The following CIC variants were observed in gnomAD, a reference collection of about 807,000 sequenced individuals.
CIC encodes protein capicua homolog.
A neutral mutation model predicts 115.7 loss-of-function variants in CIC; 18 were observed. The ratio of observed to expected loss-of-function variants is 0.16; its 90% CI spans 0.11 to 0.23. CIC has a LOEUF of 0.23. CIC is among the 10% of genes least tolerant of loss of function. The pLI is 1.00. For synonymous variants in CIC, 1,076 were observed against 923.0 expected (o/e 1.17, Z -3.01); for missense variants, 2,000 against 2,159.3 (o/e 0.93, Z 1.46).
chr19:42,277,926 C>T (rs1337108027), intron 2 of CIC, among the ~76,000 whole-genome samples: 7 of 152,260 alleles, frequency 4.6e-5, no homozygotes, highest in Non-Finnish European at 8.8e-5. Context: ...AGGTAGGCAG[C>T]TTGGAGCCTT....
chr19:42,290,010 C>T, intron 10 of CIC, 59 bp downstream of exon 10: 1 of 1,479,084 alleles, frequency 6.8e-7, no homozygotes, highest in East Asian at 2.3e-5. Context: ...ATGGGAATGT[C>T]TGTTTCTCCC....
rs563187613 is a variant in CIC at position 42,280,310 on chromosome 19, C to T, written c.2794+5733C>T. ...CACCTCGCGGCTGCAAGATGCTATC[C>T]CCCCTCTGAGCCTGTTTCTTGCGAA... On this transcript the variant is annotated intron_variant, in intron 2 of 20. Transcript: ENST00000681038. The surrounding 1 kb of genome is among the most constrained non-coding windows in gnomAD (Gnocchi z 4.9). 6.6e-6 allele frequency: 1 copy of T among 152,214 alleles called. No individual in the cohort carries two copies. Among genetic ancestry groups the T allele is most frequent in the Admixed American group, 6.5e-5 (1 of 15,280 alleles). The allele number at this position is 152,214 out of a possible 1,614,324, so 9.4% of individuals were successfully genotyped here.
Position 42,295,440 on chromosome 19 carries a change from C to T in CIC, c.*249C>T, listed in dbSNP as rs1009191227. On this transcript the variant is annotated 3_prime_UTR_variant, in exon 21 of 21. Transcript: ENST00000681038. ...CTGTACATAACCTGGAGCGTGTGAC[C>T]TTCAGAGCTTTTCACTTTATGCAAA... 3 of 490,342 alleles carry T rather than the reference C, an allele frequency of 6.1e-6. No homozygotes were observed. The highest frequency in any genetic ancestry group is 3.8e-5 in the Admixed American group (1 of 26,176). The allele number at this position is 490,342 out of a possible 1,614,324, so 30.4% of individuals were successfully genotyped here.
Position 42,292,357 on chromosome 19 carries a change from G to A in CIC, c.5793G>A (p.Ala1931=), listed in dbSNP as rs774714572. 1.4e-5 allele frequency: 22 copies of A among 1,612,842 alleles called. No individual in the cohort carries two copies. The highest frequency in any genetic ancestry group is 8.0e-5 in the African/African-American group (6 of 74,916). ...GHALPLGTSP[A]SSQAGTVTSY... ...CGCTGCCCCTGGGTACCAGCCCTGCGTCCAGCCAGGCTGGAACAGTCACCT... is the reference window on the plus strand; with the variant it reads ...CGCTGCCCCTGGGTACCAGCCCTGCATCCAGCCAGGCTGGAACAGTCACCT... The change falls in exon 14 of 21, where the codon GCG becomes GCA. Residue 1931 remains alanine (A), a synonymous_variant. Coordinates refer to ENST00000681038, the MANE Select transcript of CIC (RefSeq NM_001386298.1).
At chr19:42,269,799 G>T (rs1478824900) in intron 1 of CIC, among the ~76,000 whole-genome samples, 1 of 151,806 alleles carries the variant, frequency 6.6e-6, no homozygotes, top group Non-Finnish European at 1.5e-5. Context: ...TAACCGAGAG[G>T]TAGAGATAGA....
Position 42,273,695 on chromosome 19 carries a change from G to A in CIC, c.1912G>A (p.Gly638Ser), listed in dbSNP as rs752711063. The change falls in exon 2 of 21, where the codon GGC (glycine) becomes AGC (serine). Residue 638 changes from glycine to serine, a missense_variant. Physicochemically the swap from Gly to Ser is moderately conservative, Grantham distance 56. This residue lies in a region of CIC where 222 missense variants were observed against 247.7 expected (regional missense o/e 0.90). Coordinates refer to ENST00000681038, the MANE Select transcript of CIC (RefSeq NM_001386298.1). Reference sequence around the variant, plus strand: ...ATCACCCTCACCCTCACCACTCTTCGGCTTCCGCCCTGCCAACTTTAGCCC... The same window carrying A: ...ATCACCCTCACCCTCACCACTCTTCAGCTTCCGCCCTGCCAACTTTAGCCC... Reference protein sequence around the residue: ...APSPSPSPLFGFRPANFSPIN... With the variant: ...APSPSPSPLFSFRPANFSPIN... The A allele has an allele frequency of 1.3e-5, 5 of 398,400 alleles. No individual in the cohort carries two copies. The highest frequency in any genetic ancestry group is 2.1e-5 in the African/African-American group (1 of 48,492). 24.7% of individuals were successfully genotyped at this position (398,400 alleles called of 1,614,324 possible).
rs2036893015 is a variant in CIC at position 42,274,429 on chromosome 19, G to A, written c.2646G>A (p.Pro882=). 4 of 399,018 alleles carry A rather than the reference G, an allele frequency of 1.0e-5. 1 individual carries two copies. The East Asian group carries it at 1.1e-4, about 11-fold the overall frequency. The allele number at this position is 399,018 out of a possible 1,614,324, so 24.7% of individuals were successfully genotyped here. The stretch of plus-strand genomic sequence containing the variant: ...CTGCACCAACTGCCGTGGCCCAGCC[G>A]ATGCCCGCCTTTGGCCTGGCTTCTT... ...PPAAPTAVAQ[P]MPAFGLASSP... is the part of the protein sequence containing the mutation. The change falls in exon 2 of 21, where the codon CCG becomes CCA. Residue 882 remains proline, a synonymous_variant. Transcript: ENST00000681038.
In CIC at chr19:42,291,551, C is replaced by G. The variant is rs763334293; in HGVS notation, c.5426-7C>G. 2 of 1,613,086 alleles carry G rather than the reference C, an allele frequency of 1.2e-6. No homozygotes were observed. Among genetic ancestry groups the G allele is most frequent in the South Asian group, 1.1e-5 (1 of 91,082 alleles). On this transcript the variant is annotated splice_region_variant and splice_polypyrimidine_tract_variant and intron_variant, in intron 11 of 20. Transcript: ENST00000681038. ...AACCTTTTCCTTTCTTGCCTCTTAA[C>G]TTCCAGCCCAGTCAGTTTCTCCCGT...
intron 19 of CIC, 87 bp downstream of exon 19, chr19:42,294,391 G>C: frequency 5.0e-6 from 8 of 1,593,144 alleles, no homozygotes; most frequent in Non-Finnish European, 6.8e-6. Flanking sequence ...AGAGAGGTAG[G>C]GTGGGTCCAT....
At position 42,293,796 on chromosome 19, in the gene CIC, C is replaced by T. The variant is rs1380205137; in HGVS notation, c.6727C>T (p.Arg2243Trp). 6.2e-7 allele frequency: 1 copy of T among 1,612,186 alleles called. No homozygotes were observed. ...AAGTGKKVKV[R>W]PPPLKKTFDS... Reference sequence around the variant, plus strand: ...TGGTACTGGCAAGAAGGTGAAGGTGCGGCCCCCGCCCCTGAAGAAGACCTT... The same window carrying T: ...TGGTACTGGCAAGAAGGTGAAGGTGTGGCCCCCGCCCCTGAAGAAGACCTT... Residue 2243 changes from arginine to tryptophan, a missense_variant, in exon 17 of 21, where the codon CGG becomes TGG. Arg to Trp is a moderately radical substitution (Grantham distance 101). Around this residue, in one of 8 missense-constraint regions of CIC, gnomAD observed 99 missense variants for 217.6 expected, o/e 0.45. Transcript: ENST00000681038.
intron 2 of CIC, among the ~76,000 whole-genome samples, chr19:42,278,486 C>T (rs1279911851): frequency 6.6e-6 from 1 of 152,210 alleles, no homozygotes; most frequent in African/African-American, 2.4e-5. Flanking sequence ...TTCTTTGAGT[C>T]TGGGGGCTCC....
Position 42,293,194 on chromosome 19 carries a change from A to G in CIC, c.6435A>G (p.Pro2145=), listed in dbSNP as rs574190165. The G allele has an allele frequency of 1.1e-5, 17 of 1,600,686 alleles. No homozygotes were observed. The highest frequency in any genetic ancestry group is 1.3e-5 in the African/African-American group (1 of 74,566). The change falls in exon 16 of 21, where the codon CCA becomes CCG. Residue 2145 remains proline (P), a synonymous_variant. Transcript: ENST00000681038. The stretch of plus-strand genomic sequence containing the variant: ...CACCACCAGCCCCTCCACCCCTGCC[A>G]GAGACCTGGACTCCCACGGCCCGGA... ...QPTPPAPPPL[P]ETWTPTARSS...
chr19:42,293,745 G>A lies in CIC; in HGVS notation c.6676G>A (p.Asp2226Asn). 1 of 1,612,912 alleles carries A rather than the reference G, an allele frequency of 6.2e-7. No individual in the cohort carries two copies. The stretch of plus-strand genomic sequence containing the variant: ...GAGCAGCAGTGGGCGGGCAGCCGGG[G>A]ACACCCCGGAGCGCAAGGAGGCGGC... ...SESSSGRAAG[D>N]TPERKEAAGT... is the part of the protein sequence containing the mutation. Residue 2226 changes from aspartate (D) to asparagine (N), a missense_variant, in exon 17 of 21, where the codon GAC becomes AAC. Transcript: ENST00000681038.
Position 42,292,091 on chromosome 19 carries a change from C to A in CIC, c.5619C>A (p.Ile1873=). ...ATGGGTGCCCTTCTCCACAGATCAT[C>A]CAGCTGACCCCGGTGCCTGTGAGCA... The part of the protein sequence containing the change: ...QNGAQPPSKI[I]QLTPVPVSTP... The change falls in exon 13 of 21, where the codon ATC becomes ATA. Residue 1873 remains isoleucine (I), a synonymous_variant. Coordinates refer to ENST00000681038, the MANE Select transcript of CIC (RefSeq NM_001386298.1). 4 of 1,613,824 alleles carry A rather than the reference C, an allele frequency of 2.5e-6. No individual in the cohort carries two copies. The highest frequency in any genetic ancestry group is 3.4e-6 in the Non-Finnish European group (4 of 1,180,008).
Position 42,290,276 on chromosome 19 carries a change from T to C in CIC, c.4235T>C (p.Phe1412Ser), listed in dbSNP as rs2147249542. 30 of 1,614,044 alleles carry C rather than the reference T, an allele frequency of 1.9e-5. No individual in the cohort carries two copies. The highest frequency in any genetic ancestry group is 2.5e-5 in the Non-Finnish European group (29 of 1,179,962). ...TTTTCACCTGTGATCCGTTCCTCCT[T>C]TACCCACTGCCGCCCCCCACTGGAC... ...KVFSPVIRSSFTHCRPPLDPE... is the reference protein window; with the variant it reads ...KVFSPVIRSSSTHCRPPLDPE... Residue 1412 changes from phenylalanine (F) to serine (S), a missense_variant, in exon 11 of 21, where the codon TTT becomes TCT. Coordinates refer to ENST00000681038, the MANE Select transcript of CIC (RefSeq NM_001386298.1).
chr19:42,271,157 T>C (rs889744344), intron 1 of CIC, among the ~76,000 whole-genome samples: 14 of 152,166 alleles, frequency 9.2e-5, no homozygotes, highest in Non-Finnish European at 2.1e-4. Flanking sequence ...CATGTGTGTG[T>C]GTGTCTGAGT....
chr19:42,289,261 T>C lies in CIC; in HGVS notation c.3942T>C (p.Gly1314=). 6.2e-7 allele frequency: 1 copy of C among 1,613,710 alleles called. No homozygotes were observed. The change falls in exon 9 of 21, where the codon GGT becomes GGC. Residue 1314 remains glycine, a synonymous_variant. Coordinates refer to ENST00000681038, the MANE Select transcript of CIC (RefSeq NM_001386298.1). The part of the protein sequence containing the change: ...YGAPGPFAAP[G]EGGALAATGR... The stretch of plus-strand genomic sequence containing the variant: ...CTCCAGGACCCTTTGCAGCCCCTGG[T>C]GAGGGAGGTGCCTTGGCGGCCACTG...
rs918119354 is a variant in CIC, at chr19:42,294,243, G to A, written c.6993G>A (p.Ser2331=). 4.6e-5 allele frequency: 75 copies of A among 1,613,670 alleles called. No homozygotes were observed. Among genetic ancestry groups the A allele is most frequent in the Non-Finnish European group, 6.3e-5 (74 of 1,180,036 alleles). ...TGAGAAGACGCTCCAGCTGCAGCTC[G>A]GAGCCCAACACCCCCAAGAGTGCCA... ...RKMRRRSSCS[S]EPNTPKSAKC... Residue 2331 remains serine (S), a synonymous_variant, in exon 19 of 21, where the codon TCG becomes TCA. Transcript: ENST00000681038.
Position 42,295,336 on chromosome 19 carries a change from A to C in CIC, c.*145A>C. 1.4e-6 allele frequency: 1 copy of C among 698,506 alleles called. No homozygotes were observed. Among genetic ancestry groups the C allele is most frequent in the Non-Finnish European group, 2.3e-6 (1 of 429,216 alleles). 43.3% of individuals were successfully genotyped at this position (698,506 alleles called of 1,614,324 possible). A position where few individuals can be genotyped will look rare whatever the true frequency, so the allele number is the denominator to read the frequency against. ...AATGAGGCCTGCTCCTCTTGTAAAT[A>C]CCCCCTTCCCTCGAAGCTCCCTCCC... On this transcript the variant is annotated 3_prime_UTR_variant, in exon 21 of 21. Transcript: ENST00000681038.
Sources: gnomAD v4.1 joint callset for allele counts (sites outside exome capture counted in the v4.1 genomes callset) on GRCh38, gnomAD v4.1.1 for gene constraint, gnomAD v4.1.1 regional missense constraint, Gnocchi (gnomAD v3.1) non-coding constraint, MANE v1.5 for transcripts, NCBI Gene and HGNC (gene_info 2026-07-23, HGNC 2026-07-21) for gene names.